Variants in ATAD3B observed in about 807,000 individuals in gnomAD.
ATAD3B encodes the protein ATPase family AAA domain-containing protein 3B.
Under a neutral mutation model 70.2 loss-of-function variants are expected in ATAD3B, and 59 were observed. The ratio of observed to expected loss-of-function variants is 0.84; its 90% confidence interval spans 0.68 to 1.04. The LOEUF (loss-of-function observed/expected upper bound fraction) is 1.04, where lower values mean the gene tolerates loss of function less well. Ranked by LOEUF, ATAD3B falls within the 50% of genes least tolerant of loss-of-function variation. The pLI, the probability that ATAD3B is intolerant of heterozygous loss-of-function variation, is 0.00. For synonymous variants in ATAD3B, 423 were observed against 388.6 expected, an observed-to-expected ratio of 1.09 and a Z score of -1.04; for missense variants, 961 against 913.4, an observed-to-expected ratio of 1.05 and a Z score of -0.67.
intron 2 of ATAD3B, 92 bp from the exon 3 acceptor site, chr1:1,478,552 T>G (rs1340358022): frequency 1.9e-6 from 3 of 1,550,240 alleles, no homozygotes; most frequent in Non-Finnish European, 1.7e-6. Context: ...GCACGGAGTC[T>G]CTGCCGTGCC....
chr1:1,486,074 A>G (rs755591367), intron 9 of ATAD3B, 36 bp from the exon 10 acceptor site: 2 of 1,612,546 alleles, frequency 1.2e-6, no homozygotes, highest in South Asian at 1.1e-5. Context: ...CCGTGGGTGC[A>G]GAGTGTCTCC....
intron 5 of ATAD3B, among the ~76,000 whole-genome samples, chr1:1,481,852 T>C (rs559166453): frequency 6.6e-6 from 1 of 152,290 alleles, no homozygotes; most frequent in African/African-American, 2.4e-5. Flanking sequence ...GGCCTGTCCA[T>C]GGACTGGGCT....
In ATAD3B at chr1:1,490,620, G is replaced by A. The variant is rs758706871; in HGVS notation, c.1563G>A (p.Leu521=). 1.7e-5 allele frequency: 28 copies of A among 1,608,154 alleles called. 1 individual carries two copies. In the Admixed American group the frequency reaches 4.4e-4, roughly 25 times the overall value. The change falls in exon 15 of 16, where the codon CTG becomes CTA. Residue 521 remains leucine, a synonymous_variant. Coordinates refer to ENST00000673477, the MANE Select transcript of ATAD3B (RefSeq NM_031921.6). ...GGAAGTGCTCGGAGGTCGCTCGGCT[G>A]ACGGAGGGCATGTCGGGCCGGGAGA... ...YGRKCSEVAR[L]TEGMSGREIA...
chr1:1,494,962 C>T (rs1488778775), intron 15 of ATAD3B, among the ~76,000 whole-genome samples: 2 of 152,198 alleles, frequency 1.3e-5, no homozygotes, highest in East Asian at 3.9e-4. Context: ...CACCAAGGGC[C>T]ACAGCCCCAG....
chr1:1,495,419 C>T (rs1557433787), intron 15 of ATAD3B, 66 bp from the exon 16 acceptor site: 37 of 1,533,504 alleles, frequency 2.4e-5, no homozygotes, highest in Non-Finnish European at 3.1e-5. Context: ...ACCTCGGGGC[C>T]CTGGCGTGCA....
chr1:1,503,275 T>C, the ATAD3B span: 2 of 320,840 alleles, frequency 6.2e-6, no homozygotes, highest in East Asian at 5.7e-5. Flanking sequence ...ATGGACACTT[T>C]ACCCATCGCC....
intron 1 of ATAD3B, among the ~76,000 whole-genome samples, chr1:1,474,091 C>T (rs1639468397): frequency 6.6e-6 from 1 of 152,058 alleles, no homozygotes; most frequent in South Asian, 2.1e-4. Context: ...TGCTTTGTCG[C>T]CCAGTCTGGC....
At chr1:1,504,908 C>T in the ATAD3B span, among the ~76,000 whole-genome samples, 1 of 151,722 alleles carries the variant, frequency 6.6e-6, no homozygotes, top group Non-Finnish European at 1.5e-5. Context: ...CGCCCAGTGC[C>T]AACTTTGTCC....
intron 13 of ATAD3B, 98 bp downstream of exon 13, chr1:1,489,372 A>T (rs1188387281): frequency 3.4e-5 from 54 of 1,581,598 alleles, no homozygotes; most frequent in Non-Finnish European, 4.5e-5. Flanking sequence ...GCTGGGCACC[A>T]GCTGTGGCCT....
intron 1 of ATAD3B, among the ~76,000 whole-genome samples, chr1:1,475,798 G>A (rs1639561225): frequency 6.6e-6 from 1 of 151,620 alleles, no homozygotes; most frequent in Admixed American, 6.6e-5. Context: ...TAACCGAGAG[G>A]CCACACGGGC....
intron 2 of ATAD3B, among the ~76,000 whole-genome samples, chr1:1,477,668 C>T (rs1232138783): frequency 2.7e-5 from 4 of 149,040 alleles, no homozygotes; most frequent in Admixed American, 1.3e-4. Context: ...TCTTTTCACT[C>T]AGCAGGATTT....
rs991589367 is a variant in ATAD3B, at chr1:1,486,039, C to G, written c.964-71C>G. On this transcript the variant is annotated intron_variant, in intron 9 of 15. Coordinates refer to ENST00000673477, the MANE Select transcript of ATAD3B (RefSeq NM_031921.6). Reference sequence around the variant, plus strand: ...GGAGCAGAGTCCGCACCCGGGCATTCCCGCAGCCCCTGTCACCGAGGCTTC... The same window carrying G: ...GGAGCAGAGTCCGCACCCGGGCATTGCCGCAGCCCCTGTCACCGAGGCTTC... The G allele has an allele frequency of 3.7e-6, 6 of 1,607,958 alleles. No homozygotes were observed. In the African/African-American group the frequency reaches 8.0e-5, roughly 22 times the overall value.
chr1:1,480,436 G>A (rs1330067475), intron 4 of ATAD3B, among the ~76,000 whole-genome samples: 1 of 146,882 alleles, frequency 6.8e-6, no homozygotes, highest in Non-Finnish European at 1.5e-5. Context: ...AGAAAAGCTT[G>A]GGTGACATCT....
At chr1:1,497,914 C>T (rs185391732), downstream of ATAD3B, 1 of 150,040 alleles carries the variant, frequency 6.7e-6, no homozygotes, top group East Asian at 2.0e-4. Flanking sequence ...GCCTGGAATC[C>T]TAACACTTTC....
In ATAD3B at chr1:1,490,120, C is replaced by T; in HGVS notation, c.1338-137C>T. The T allele has an allele frequency of 5.5e-6, 8 of 1,451,744 alleles. 1 individual carries two copies. The South Asian group carries it at 8.6e-5, about 16-fold the overall frequency. 89.9% of individuals were successfully genotyped at this position (1,451,744 alleles called of 1,614,324 possible). A position where few individuals can be genotyped will look rare whatever the true frequency, so the allele number is the denominator to read the frequency against. On this transcript the variant is annotated intron_variant, in intron 13 of 15. Coordinates refer to ENST00000673477, the MANE Select transcript of ATAD3B (RefSeq NM_031921.6). ...GACCAGGGCTGTGGCTGCGTTCTCCCCATGTTTCCTGTGCTCACAAGCTGC... is the reference window on the plus strand; with the variant it reads ...GACCAGGGCTGTGGCTGCGTTCTCCTCATGTTTCCTGTGCTCACAAGCTGC...
rs768259246 is a variant in ATAD3B, at chr1:1,477,283, A to C, written c.215A>C (p.Lys72Thr). ...ARELEHSRYAKEALNLAQMQE... is the reference protein window; with the variant it reads ...ARELEHSRYATEALNLAQMQE... ...CCACATGCGCCCGCAGGTTACGCCA[A>C]GGAGGCCCTGAATCTGGCGCAGATG... The change falls in exon 2 of 16, where the codon AAG becomes ACG. Residue 72 changes from lysine (K) to threonine (T), a missense_variant. Around this residue, in one of 4 missense-constraint regions of ATAD3B, gnomAD observed 187 missense variants for 244.3 expected, o/e 0.77. Coordinates refer to ENST00000673477, the MANE Select transcript of ATAD3B (RefSeq NM_031921.6). The C allele has an allele frequency of 6.2e-7, 1 of 1,612,440 alleles. No homozygotes were observed. Among genetic ancestry groups the C allele is most frequent in the Non-Finnish European group, 8.5e-7 (1 of 1,179,678 alleles).
At chr1:1,506,544 G>A in the ATAD3B span, among the ~76,000 whole-genome samples, 1 of 151,566 alleles carries the variant, frequency 6.6e-6, no homozygotes, top group Admixed American at 6.6e-5. Flanking sequence ...TACCGGCGTG[G>A]GCCACGGCGC....
In ATAD3B at chr1:1,486,531, T is replaced by A; in HGVS notation, c.1090-13T>A. 1 of 1,611,718 alleles carries A rather than the reference T, an allele frequency of 6.2e-7. No individual in the cohort carries two copies. The highest frequency in any genetic ancestry group is 8.5e-7 in the Non-Finnish European group (1 of 1,179,440). ...GAACATCTGTTCTGTCTCCCCTCAC[T>A]CTTCTTGTCCAGAAACTCGCCCTGC... On this transcript the variant is annotated splice_polypyrimidine_tract_variant and intron_variant, in intron 10 of 15. Transcript: ENST00000673477.
intron 1 of ATAD3B, among the ~76,000 whole-genome samples, chr1:1,474,441 C>G (rs1427008981): frequency 6.6e-6 from 1 of 151,750 alleles, no homozygotes; most frequent in African/African-American, 2.4e-5. Flanking sequence ...CCACCCGCCT[C>G]GGCCACCCAA....
Sources: allele counts gnomAD v4.1 joint callset (sites outside exome capture counted in the v4.1 genomes callset), GRCh38; gene constraint gnomAD v4.1.1; regional missense constraint gnomAD v4.1.1; transcripts MANE v1.5; gene names NCBI Gene and HGNC (gene_info 2026-07-23, HGNC 2026-07-21).